OCA2: variants seen among roughly 807,000 people sequenced by gnomAD.
OCA2 encodes the protein OCA2 melanosomal transmembrane protein, also known as P protein.
Under a neutral mutation model 100.2 loss-of-function variants are expected in OCA2, and 77 were observed. The ratio of observed to expected loss-of-function variants is 0.77; its 90% confidence interval spans 0.64 to 0.93. OCA2 has a LOEUF of 0.93. Ranked by LOEUF, OCA2 falls within the 40% of genes least tolerant of loss-of-function variation. OCA2 has a pLI of 0.00. For synonymous variants in OCA2, 432 were observed against 439.2 expected (o/e 0.98, Z 0.21); for missense variants, 1,062 against 1,089.1 (o/e 0.98, Z 0.35).
At chr15:28,041,261 C>CAT (rs144784605) in intron 2 of OCA2, among the ~76,000 whole-genome samples, 10,094 of 150,624 alleles carry the variant, frequency 0.067, 362 homozygotes, top group Middle Eastern at 0.11. Flanking sequence ...GAAAAAAAAA[C>CAT]GTGAGCATCT....
intron 21 of OCA2, among the ~76,000 whole-genome samples, chr15:27,859,772 A>G (rs1022347847): frequency 3.9e-5 from 6 of 152,260 alleles, no homozygotes; most frequent in Admixed American, 6.5e-5. Context: ...GTCTATACCA[A>G]CGTTCTTACA....
At chr15:27,832,637 G>A (rs2035005127) in intron 23 of OCA2, among the ~76,000 whole-genome samples, 5 of 152,090 alleles carry the variant, frequency 3.3e-5, no homozygotes, top group South Asian at 2.1e-4. Context: ...TGGGGTCTAC[G>A]TTTAGCTGTG....
the OCA2 span, among the ~76,000 whole-genome samples, chr15:27,730,718 A>G: frequency 6.9e-6 from 1 of 144,224 alleles, no homozygotes; most frequent in East Asian, 2.0e-4. Flanking sequence ...GCCAGGAACC[A>G]GAGAAAAAGA....
intron 18 of OCA2, among the ~76,000 whole-genome samples, chr15:27,930,291 C>T (rs11074311): frequency 0.34 from 52,407 of 151,952 alleles, 9,432 homozygotes; most frequent in Middle Eastern, 0.52. Flanking sequence ...ATACTCAAAC[C>T]ATGGAATACT....
At chr15:27,894,766 A>G (rs73374163) in intron 19 of OCA2, among the ~76,000 whole-genome samples, 1 of 152,092 alleles carries the variant, frequency 6.6e-6, no homozygotes, top group African/African-American at 2.4e-5. Context: ...CATCCAAATG[A>G]TGTGTGATTG....
At chr15:27,860,424 G>A (rs557305107) in intron 21 of OCA2, among the ~76,000 whole-genome samples, 5 of 152,148 alleles carry the variant, frequency 3.3e-5, no homozygotes, top group Non-Finnish European at 2.9e-5. Flanking sequence ...GTACCTGCTC[G>A]GTAGTTTTTC....
intron 23 of OCA2, among the ~76,000 whole-genome samples, chr15:27,770,298 G>A (rs1328850718): frequency 1.3e-5 from 2 of 152,142 alleles, no homozygotes; most frequent in Non-Finnish European, 2.9e-5. Flanking sequence ...GACACTGCGC[G>A]GACCCCAAGC....
chr15:27,936,484 G>A (rs2039456030), intron 18 of OCA2, among the ~76,000 whole-genome samples: 2 of 152,166 alleles, frequency 1.3e-5, no homozygotes, highest in Admixed American at 1.3e-4. Context: ...TCCAGCAAAA[G>A]AAAGACCATT....
the OCA2 span, among the ~76,000 whole-genome samples, chr15:27,730,858 C>T: frequency 2.0e-5 from 3 of 150,014 alleles, no homozygotes; most frequent in Admixed American, 2.0e-4. Context: ...AGCCTAAACG[C>T]AGCAGAATAC....
intron 21 of OCA2, among the ~76,000 whole-genome samples, chr15:27,851,856 T>C (rs2035765029): frequency 6.6e-6 from 1 of 152,252 alleles, no homozygotes; most frequent in Admixed American, 6.5e-5. Context: ...ATCCCTCAAG[T>C]GTGCTGTTAC....
At chr15:27,772,625 G>A (rs1331183829) in intron 23 of OCA2, among the ~76,000 whole-genome samples, 5 of 151,962 alleles carry the variant, frequency 3.3e-5, no homozygotes, top group African/African-American at 9.7e-5. Context: ...GGTAGATCAC[G>A]AGGTCAAGAG....
chr15:27,965,507 T>G (rs1848597799), intron 15 of OCA2, among the ~76,000 whole-genome samples: 3 of 152,168 alleles, frequency 2.0e-5, no homozygotes, highest in African/African-American at 7.2e-5. Context: ...GTCACACAGA[T>G]CTGTCTTGGA....
At chr15:27,726,954 C>G in the OCA2 span, among the ~76,000 whole-genome samples, 4 of 152,198 alleles carry the variant, frequency 2.6e-5, no homozygotes, top group East Asian at 5.8e-4. Flanking sequence ...GAAGCTAAAC[C>G]CTGCAGCATC....
At chr15:27,990,789 T>C in intron 9 of OCA2, 142 bp from the exon 10 acceptor site, 3 of 777,470 alleles carry the variant, frequency 3.9e-6, no homozygotes, top group Non-Finnish European at 6.7e-6. Flanking sequence ...TCTTGATGTT[T>C]CAGGCCTGGA....
Position 27,801,550 on chromosome 15 carries a change from C to CAAAAAAA in OCA2, c.2432+43402_2432+43408dup, listed in dbSNP as rs34636608. Among the ~76,000 whole-genome samples the CAAAAAAA allele has an allele frequency of 2.0e-3, 76 of 37,826 alleles. 1 individual carries two copies. Among genetic ancestry groups the CAAAAAAA allele is most frequent in the Non-Finnish European group, 2.5e-3 (41 of 16,104 alleles). The allele number at this position is 37,826 out of a possible 152,430, so 24.8% of individuals were successfully genotyped here. On this transcript the variant is annotated intron_variant, in intron 23 of 23. Coordinates refer to ENST00000354638, the MANE Select transcript of OCA2 (RefSeq NM_000275.3). ...CTGGCGACAGAGTGAGACTCGGTCT[C>CAAAAAAA]AAAAAAAAAAAAAAAAAAAAAAAAA...
intron 23 of OCA2, among the ~76,000 whole-genome samples, chr15:27,837,450 T>C (rs1462335559): frequency 1.3e-5 from 2 of 151,848 alleles, no homozygotes; most frequent in African/African-American, 4.8e-5. Context: ...CACCATAAAC[T>C]CCACATTATT....
chr15:28,063,075 G>A (rs2043923629), intron 2 of OCA2, among the ~76,000 whole-genome samples: 1 of 152,148 alleles, frequency 6.6e-6, no homozygotes, highest in African/African-American at 2.4e-5. Context: ...GGATCAGTGT[G>A]CTGAAAATGT....
intron 22 of OCA2, among the ~76,000 whole-genome samples, chr15:27,850,748 G>A (rs766020499): frequency 2.6e-4 from 40 of 152,258 alleles, no homozygotes; most frequent in African/African-American, 5.1e-4. Flanking sequence ...AACTTAAAGC[G>A]TATCTGATGT....
chr15:28,085,245 T>C (rs1054741793), intron 1 of OCA2, among the ~76,000 whole-genome samples: 20 of 152,142 alleles, frequency 1.3e-4, no homozygotes, highest in African/African-American at 4.8e-4. Context: ...CACTCCCCAC[T>C]TAAACCCCAC....
Sources: allele counts gnomAD v4.1 joint callset (sites outside exome capture counted in the v4.1 genomes callset), GRCh38; gene constraint gnomAD v4.1.1; transcripts MANE v1.5; gene names NCBI Gene and HGNC (gene_info 2026-07-23, HGNC 2026-07-21).